The following DISC1 variants were observed in gnomAD, a reference collection of about 807,000 sequenced individuals.
DISC1 encodes the protein DISC1 scaffold protein.
DISC1 carries 57 observed loss-of-function variants against 84.5 expected under a neutral mutation model. The observed-to-expected ratio is 0.67, with a 90% CI of 0.55 to 0.84. The LOEUF (loss-of-function observed/expected upper bound fraction) is 0.84. DISC1 is among the 40% of genes least tolerant of loss of function. The probability of loss-of-function intolerance (pLI) is 0.00; values close to 1 mark genes in which losing one functional copy is unlikely to be tolerated. For synonymous variants in DISC1, 411 were observed against 415.2 expected (o/e 0.99, Z 0.12); for missense variants, 1,000 against 1,057.8 (o/e 0.95, Z 0.76).
At chr1:231,782,402 CTTT>C (rs1236530876) in intron 6 of DISC1, among the ~76,000 whole-genome samples, 1 of 152,102 alleles carries the variant, frequency 6.6e-6, no homozygotes, top group African/African-American at 2.4e-5. Context: ...TGATCTGTTG[CTTT>C]GTCAACAGAT....
At chr1:231,884,569 T>C (rs1441589943) in intron 9 of DISC1, among the ~76,000 whole-genome samples, 3 of 152,058 alleles carry the variant, frequency 2.0e-5, no homozygotes, top group Non-Finnish European at 2.9e-5. Context: ...TACGCGTGCA[T>C]GTGACTTTAT....
chr1:231,933,877 G>A (rs1399550435), intron 9 of DISC1, among the ~76,000 whole-genome samples: 3 of 152,180 alleles, frequency 2.0e-5, no homozygotes, highest in African/African-American at 7.2e-5. Flanking sequence ...ATCTGAGTCA[G>A]GGTGAGACAC....
intron 6 of DISC1, among the ~76,000 whole-genome samples, chr1:231,777,316 A>G (rs939278959): frequency 3.3e-5 from 5 of 151,924 alleles, no homozygotes; most frequent in African/African-American, 1.2e-4. Flanking sequence ...TTTACTCCTG[A>G]GCTCAAGTGA....
intron 9 of DISC1, among the ~76,000 whole-genome samples, chr1:231,906,985 CTTT>C: frequency 6.6e-6 from 1 of 150,448 alleles, no homozygotes; most frequent in South Asian, 2.1e-4. Flanking sequence ...TCTTTTCTTT[CTTT>C]TCTTTCTTTC....
chr1:231,762,511 T>G (rs1451583523), intron 4 of DISC1, among the ~76,000 whole-genome samples: 1 of 122,310 alleles, frequency 8.2e-6, no homozygotes, highest in Admixed American at 8.6e-5. Context: ...TTAGTTTTGT[T>G]TTGTTTTTTT....
intron 3 of DISC1, among the ~76,000 whole-genome samples, chr1:231,734,368 G>T (rs746123603): frequency 6.6e-6 from 1 of 152,268 alleles, no homozygotes; most frequent in African/African-American, 2.4e-5. Context: ...TTTTGGAGGT[G>T]CCCATAATCA....
At chr1:231,913,159 G>A (rs2089381781) in intron 9 of DISC1, among the ~76,000 whole-genome samples, 1 of 152,134 alleles carries the variant, frequency 6.6e-6, no homozygotes, top group Non-Finnish European at 1.5e-5. Context: ...AGATCCACCA[G>A]CCTCAGCTTC....
At position 231,626,795 on chromosome 1, in the gene DISC1, C is replaced by A; in HGVS notation, c.-73C>A. ...TTCCCGTCCAGCGCGCTGCTCCCTT[C>A]CCCCCGCCTCTGGCCTCGGGGAAGG... is the stretch of plus-strand genomic sequence containing the variant. On this transcript the variant is annotated 5_prime_UTR_variant, in exon 1 of 13. Coordinates refer to ENST00000439617, the MANE Select transcript of DISC1 (RefSeq NM_018662.3). 8.6e-7 allele frequency: 1 copy of A among 1,166,670 alleles called. No individual in the cohort carries two copies. Among genetic ancestry groups the A allele is most frequent in the Non-Finnish European group, 1.1e-6 (1 of 883,142 alleles). 72.3% of individuals were successfully genotyped at this position (1,166,670 alleles called of 1,614,324 possible).
Position 231,723,226 on chromosome 1 carries a change from CT to C in DISC1, c.1117+21203del, listed in dbSNP as rs2070114069. On this transcript the variant is annotated intron_variant, in intron 3 of 12. Transcript: ENST00000439617. ...ATGTTGGATTAAGGATCTGGAACCC[CT>C]GATACAGACTGTATTTATTGAAAAA... 6 of 863,004 alleles carry C rather than the reference CT, an allele frequency of 7.0e-6. No individual in the cohort carries two copies. In the African/African-American group the frequency reaches 1.2e-4, roughly 17 times the overall value. The allele number at this position is 863,004 out of a possible 1,614,324, so 53.5% of individuals were successfully genotyped here. A position where few individuals can be genotyped will look rare whatever the true frequency, so the allele number is the denominator to read the frequency against.
intron 9 of DISC1, among the ~76,000 whole-genome samples, chr1:231,938,455 C>T (rs1302803340): frequency 6.6e-6 from 1 of 152,132 alleles, no homozygotes; most frequent in Admixed American, 6.5e-5. Flanking sequence ...TGACAGCACA[C>T]AAGAAGAGGA....
At chr1:231,774,147 G>A (rs1347403522) in intron 6 of DISC1, among the ~76,000 whole-genome samples, 3 of 152,066 alleles carry the variant, frequency 2.0e-5, no homozygotes, top group Non-Finnish European at 2.9e-5. Flanking sequence ...CTAGCTACTC[G>A]GGAGGCTGAG....
At chr1:231,886,879 T>G (rs1220164604) in intron 9 of DISC1, among the ~76,000 whole-genome samples, 2 of 146,504 alleles carry the variant, frequency 1.4e-5, no homozygotes, top group Admixed American at 6.9e-5. Context: ...TTTTTTTTTT[T>G]GAAATGGAGT....
intron 3 of DISC1, among the ~76,000 whole-genome samples, chr1:231,738,422 A>G (rs2072807165): frequency 1.3e-5 from 2 of 152,164 alleles, no homozygotes; most frequent in Non-Finnish European, 2.9e-5. Flanking sequence ...TGTCCTTGAA[A>G]GTTTTCAGGA....
chr1:231,722,912 T>A, intron 3 of DISC1: 2 of 1,291,514 alleles, frequency 1.5e-6, no homozygotes, highest in Non-Finnish European at 2.0e-6. Context: ...ACAATTAGAT[T>A]TTTGTAGGGG....
intron 3 of DISC1, among the ~76,000 whole-genome samples, chr1:231,737,892 C>G (rs892890455): frequency 1.3e-5 from 2 of 152,156 alleles, no homozygotes; most frequent in East Asian, 3.9e-4. Flanking sequence ...AGGGCTTGCT[C>G]TGTTGCCCCG....
At chr1:231,724,736 A>T (rs1210693481) in intron 3 of DISC1, among the ~76,000 whole-genome samples, 1 of 152,162 alleles carries the variant, frequency 6.6e-6, no homozygotes, top group East Asian at 1.9e-4. Flanking sequence ...TTTTATTCTT[A>T]ACTGTGGCCT....
rs1670723444 is a variant in DISC1 at position 232,040,122 on chromosome 1, G to C, written c.*3291G>C. Reference sequence around the variant, plus strand: ...TTCTACTGCCTCAGCCTCCCAAGTAGCTGGGGTTACAGGCATTTGCCACCG... The same window carrying C: ...TTCTACTGCCTCAGCCTCCCAAGTACCTGGGGTTACAGGCATTTGCCACCG... On this transcript the variant is annotated 3_prime_UTR_variant, in exon 13 of 13. Transcript: ENST00000439617. 6.6e-6 allele frequency: 1 copy of C among 152,090 alleles called. No homozygotes were observed. Among genetic ancestry groups the C allele is most frequent in the African/African-American group, 2.4e-5 (1 of 41,348 alleles). The allele number at this position is 152,090 out of a possible 1,614,324, so 9.4% of individuals were successfully genotyped here. A position where few individuals can be genotyped will look rare whatever the true frequency, so the allele number is the denominator to read the frequency against.
intron 3 of DISC1, among the ~76,000 whole-genome samples, chr1:231,717,079 GT>G (rs1270960074): frequency 6.6e-6 from 1 of 152,152 alleles, no homozygotes; most frequent in Admixed American, 6.5e-5. Context: ...CTCTCATCCT[GT>G]TGCTTGGCCC....
chr1:231,827,154 A>ATTTT (rs1481546485), intron 9 of DISC1, among the ~76,000 whole-genome samples: 1 of 151,932 alleles, frequency 6.6e-6, no homozygotes, highest in Non-Finnish European at 1.5e-5. Context: ...TGCCTGGCTA[A>ATTTT]TTTTTGTATT....
Sources: gnomAD v4.1 joint callset for allele counts (sites outside exome capture counted in the v4.1 genomes callset) on GRCh38, gnomAD v4.1.1 for gene constraint, MANE v1.5 for transcripts, NCBI Gene and HGNC (gene_info 2026-07-23, HGNC 2026-07-21) for gene names.